PTPRD: variants seen among roughly 807,000 people sequenced by gnomAD.
The protein encoded by PTPRD is receptor-type tyrosine-protein phosphatase delta.
Under a neutral mutation model 214.5 loss-of-function variants are expected in PTPRD, and 34 were observed. The ratio of observed to expected loss-of-function variants is 0.16; its 90% confidence interval spans 0.12 to 0.21. PTPRD has a LOEUF of 0.21. Among genes scored for constraint, PTPRD ranks in the 10% least tolerant of loss-of-function variants. The pLI is 1.00. For missense variants in PTPRD, 2,545 were observed against 2,398.7 expected (o/e 1.06, Z -1.27); for synonymous variants, 1,128 against 845.7 (o/e 1.33, Z -5.79).
Position 8,859,467 on chromosome 9 carries a change from TG to T in PTPRD, c.-103-125522del, listed in dbSNP as rs371475795. On this transcript the variant is annotated intron_variant, in intron 11 of 45. Coordinates refer to ENST00000381196, the MANE Select transcript of PTPRD (RefSeq NM_002839.4). Reference sequence around the variant, plus strand: ...GGCCCATCAAAATTTATTAGAAACTTGGTCAGAAAGGTTAAATAAAGTAAAG... The same window carrying T: ...GGCCCATCAAAATTTATTAGAAACTTGTCAGAAAGGTTAAATAAAGTAAAG... Among the ~76,000 whole-genome samples the T allele has an allele frequency of 1.0e-3, 159 of 152,284 alleles. 1 individual carries two copies. In the East Asian group the frequency reaches 0.012, roughly 11 times the overall value.
At position 10,515,976 on chromosome 9, in the gene PTPRD, C is replaced by A. The variant is rs115509719; in HGVS notation, c.-600+96422G>T. Among the ~76,000 whole-genome samples the A allele has an allele frequency of 1.3e-3, 194 of 152,020 alleles. 1 individual carries two copies. The highest frequency in any genetic ancestry group is 4.2e-3 in the African/African-American group (173 of 41,528). The stretch of plus-strand genomic sequence containing the variant: ...TACTACATTTTACTCATCCATTCAT[C>A]TGTGGACATTTAGGTTGTTTCCACA... On this transcript the variant is annotated intron_variant, in intron 2 of 45. Coordinates refer to ENST00000381196, the MANE Select transcript of PTPRD (RefSeq NM_002839.4).
At chr9:9,571,295 G>T (rs765918665) in intron 8 of PTPRD, among the ~76,000 whole-genome samples, 1 of 151,102 alleles carries the variant, frequency 6.6e-6, no homozygotes, top group Non-Finnish European at 1.5e-5. Context: ...AACAAAAAAA[G>T]ATATGTATGT....
intron 5 of PTPRD, among the ~76,000 whole-genome samples, chr9:9,772,503 A>G (rs1565148716): frequency 6.6e-6 from 1 of 152,146 alleles, no homozygotes; most frequent in Non-Finnish European, 1.5e-5. Flanking sequence ...CTCATATAAT[A>G]GAAGCTCTCT....
At chr9:8,914,314 A>C (rs987411015) in intron 11 of PTPRD, among the ~76,000 whole-genome samples, 27 of 152,142 alleles carry the variant, frequency 1.8e-4, no homozygotes, top group Non-Finnish European at 3.4e-4. Flanking sequence ...ATTTTGTGTG[A>C]ACTAAAATTT....
intron 11 of PTPRD, among the ~76,000 whole-genome samples, chr9:8,825,699 G>A (rs367697428): frequency 1.3e-5 from 2 of 152,198 alleles, no homozygotes; most frequent in East Asian, 1.9e-4. Context: ...TTTATAGACA[G>A]AGCAGCCATG....
intron 6 of PTPRD, among the ~76,000 whole-genome samples, chr9:9,745,933 A>G (rs889606230): frequency 2.0e-5 from 3 of 152,172 alleles, no homozygotes; most frequent in African/African-American, 7.2e-5. Context: ...CATTAAATAA[A>G]ATGGTAGCCC....
chr9:10,216,539 A>G (rs755675727), intron 3 of PTPRD, among the ~76,000 whole-genome samples: 3 of 152,006 alleles, frequency 2.0e-5, no homozygotes, highest in Non-Finnish European at 2.9e-5. Context: ...TCTATTATTA[A>G]ATAGTATACA....
At chr9:9,598,929 A>G (rs1274390195) in intron 7 of PTPRD, among the ~76,000 whole-genome samples, 1 of 151,968 alleles carries the variant, frequency 6.6e-6, no homozygotes, top group Non-Finnish European at 1.5e-5. Context: ...CTGACATTTT[A>G]GCTCATCATC....
rs148637914 is a variant in PTPRD at position 9,998,980 on chromosome 9, C to T, written c.-472+34738G>A. Among the ~76,000 whole-genome samples, 966 of 152,104 alleles carry T rather than the reference C, an allele frequency of 6.4e-3. 4 individuals are homozygous for T. The highest frequency in any genetic ancestry group is 0.011 in the Non-Finnish European group (766 of 67,988). On this transcript the variant is annotated intron_variant, in intron 4 of 45. Coordinates refer to ENST00000381196, the MANE Select transcript of PTPRD (RefSeq NM_002839.4). ...TATAAGAAATAGCAGGGATGCATTG[C>T]AGGGGACATCGAAAGGAAACAGATG...
intron 35 of PTPRD, among the ~76,000 whole-genome samples, chr9:8,428,216 G>A (rs906701284): frequency 6.6e-6 from 1 of 152,238 alleles, no homozygotes; most frequent in South Asian, 2.1e-4. Context: ...AGGCAGAGAG[G>A]TTTGGACCCA....
intron 2 of PTPRD, among the ~76,000 whole-genome samples, chr9:10,431,496 G>A (rs1012351266): frequency 6.6e-6 from 1 of 151,912 alleles, no homozygotes; most frequent in African/African-American, 2.4e-5. Flanking sequence ...GAGTGAACAG[G>A]CAACCTACAA....
chr9:9,173,543 C>T (rs953275454), intron 10 of PTPRD, among the ~76,000 whole-genome samples: 1 of 152,088 alleles, frequency 6.6e-6, no homozygotes, highest in Admixed American at 6.6e-5. Flanking sequence ...GCCTACTACC[C>T]ACCTAGGCTA....
chr9:9,813,326 G>A (rs1565459282), intron 5 of PTPRD, among the ~76,000 whole-genome samples: 1 of 151,626 alleles, frequency 6.6e-6, no homozygotes, highest in Non-Finnish European at 1.5e-5. Flanking sequence ...ATACTAGAAA[G>A]ACAATTAAAA....
chr9:10,210,727 T>C (rs2099512007), intron 3 of PTPRD, among the ~76,000 whole-genome samples: 1 of 144,324 alleles, frequency 6.9e-6, no homozygotes, highest in Non-Finnish European at 1.5e-5. Context: ...TGATTTTATA[T>C]ATATAAAATG....
At chr9:9,448,942 A>G (rs2091324647) in intron 8 of PTPRD, among the ~76,000 whole-genome samples, 1 of 152,080 alleles carries the variant, frequency 6.6e-6, no homozygotes, top group South Asian at 2.1e-4. Flanking sequence ...TATCTAAAAA[A>G]TGTTAGTTAT....
At chr9:8,596,483 G>A (rs1034847566) in intron 14 of PTPRD, among the ~76,000 whole-genome samples, 2 of 151,830 alleles carry the variant, frequency 1.3e-5, no homozygotes, top group Non-Finnish European at 2.9e-5. Context: ...AATAAGCATC[G>A]TTAACACATA....
chr9:10,314,714 G>A (rs746523753), intron 3 of PTPRD, among the ~76,000 whole-genome samples: 1 of 151,904 alleles, frequency 6.6e-6, no homozygotes, highest in Admixed American at 6.6e-5. Flanking sequence ...CATGACACAA[G>A]CCAAGGGGGG....
intron 11 of PTPRD, among the ~76,000 whole-genome samples, chr9:8,801,180 A>G (rs776700465): frequency 6.6e-5 from 10 of 152,304 alleles, no homozygotes; most frequent in Non-Finnish European, 1.5e-4. Flanking sequence ...AAGGGTCACA[A>G]AAGTCAGGAT....
chr9:8,334,787 C>A (rs1587932098), intron 43 of PTPRD, among the ~76,000 whole-genome samples: 1 of 119,410 alleles, frequency 8.4e-6, no homozygotes, highest in East Asian at 2.2e-4. Context: ...ATAGAAAAGA[C>A]AGAAGACTCA....
Sources: allele counts gnomAD v4.1 joint callset (sites outside exome capture counted in the v4.1 genomes callset), GRCh38; gene constraint gnomAD v4.1.1; transcripts MANE v1.5; gene names NCBI Gene and HGNC (gene_info 2026-07-23, HGNC 2026-07-21).